Variants in WDR83OS observed in about 807,000 individuals in gnomAD.
The protein encoded by WDR83OS is PAT complex subunit Asterix.
Under a neutral mutation model 13.7 loss-of-function variants are expected in WDR83OS, and 15 were observed. That is an observed-to-expected ratio of 1.09 (90% CI 0.73 to 1.69). The LOEUF is 1.69. Among genes scored for constraint, WDR83OS ranks in the 40% most tolerant of loss-of-function variants. The pLI is 0.00. For missense variants in WDR83OS, 145 were observed against 143.2 expected (o/e 1.01, Z -0.06); for synonymous variants, 68 against 52.9 (o/e 1.29, Z -1.24).
In WDR83OS at chr19:12,669,177, T is replaced by A. The variant is rs1020705935; in HGVS notation, c.107A>T (p.Tyr36Phe). 6.2e-7 allele frequency: 1 copy of A among 1,614,064 alleles called. No homozygotes were observed. Among genetic ancestry groups the A allele is most frequent in the Non-Finnish European group, 8.5e-7 (1 of 1,180,044 alleles). The change falls in exon 2 of 4, where the codon TAC (tyrosine) becomes TTC (phenylalanine). Residue 36 changes from tyrosine to phenylalanine, a missense_variant. Tyr to Phe is a conservative substitution (Grantham distance 22, BLOSUM62 3). Coordinates refer to ENST00000596731, the MANE Select transcript of WDR83OS (RefSeq NM_016145.4). ...NPALDDPTPD[Y>F]MNLLGMIFSM... is the part of the protein sequence containing the mutation. ...GAAGATCATGCCCAGCAGGTTCATGTAGTCCGGCGTCGGGTCGTCCAAGGC... is the reference window on the plus strand; with the variant it reads ...GAAGATCATGCCCAGCAGGTTCATGAAGTCCGGCGTCGGGTCGTCCAAGGC...
intron 2 of WDR83OS, 131 bp downstream of exon 2, chr19:12,668,997 G>A: frequency 1.1e-6 from 1 of 913,028 alleles, no homozygotes; most frequent in Non-Finnish European, 1.7e-6. Context: ...CAGCGTCATC[G>A]CAGCCCCACT....
In WDR83OS at chr19:12,668,319, G is replaced by A. The variant is rs763064505; in HGVS notation, c.*40C>T. 6.3e-7 allele frequency: 1 copy of A among 1,584,312 alleles called. No homozygotes were observed. The highest frequency in any genetic ancestry group is 2.3e-5 in the East Asian group (1 of 44,230). ...TTAGCAGCCAAAGCCCAGGCCTAGT[G>A]GATAGACAGGGTCCAAAATGTGACC... On this transcript the variant is annotated 3_prime_UTR_variant, in exon 4 of 4. Coordinates refer to ENST00000596731, the MANE Select transcript of WDR83OS (RefSeq NM_016145.4).
chr19:12,669,031 C>T (rs2024332867), intron 2 of WDR83OS, 97 bp downstream of exon 2: 1 of 1,271,674 alleles, frequency 7.9e-7, no homozygotes, highest in African/African-American at 1.5e-5. Flanking sequence ...AGGTCCCGCC[C>T]CATCAGCAAT....
At chr19:12,669,102 A>T in intron 2 of WDR83OS, 26 bp downstream of exon 2, 3 of 1,609,332 alleles carry the variant, frequency 1.9e-6, no homozygotes, top group Non-Finnish European at 2.6e-6. Flanking sequence ...GTCCAACTAC[A>T]CCCATAGAAG....
At chr19:12,668,702 C>A (rs1028608433) in intron 2 of WDR83OS, 85 bp from the exon 3 acceptor site, 2 of 1,118,058 alleles carry the variant, frequency 1.8e-6, no homozygotes, top group Non-Finnish European at 2.7e-6. Context: ...CCAGATCATG[C>A]CCACTGATTC....
At chr19:12,668,731 C>T in intron 2 of WDR83OS, 114 bp from the exon 3 acceptor site, 2 of 868,312 alleles carry the variant, frequency 2.3e-6, no homozygotes, top group Admixed American at 2.0e-5. Flanking sequence ...GCAGCTGGGA[C>T]CTTGCCCCAC....
At chr19:12,668,687 A>G in intron 2 of WDR83OS, 70 bp from the exon 3 acceptor site, 1 of 1,310,592 alleles carries the variant, frequency 7.6e-7, no homozygotes, top group Non-Finnish European at 1.1e-6. Context: ...CCACCTTTCC[A>G]GACACCAGAT....
chr19:12,669,258 G>A (rs1469076927), intron 1 of WDR83OS, 25 bp from the exon 2 acceptor site: 3 of 1,612,906 alleles, frequency 1.9e-6, no homozygotes, highest in Non-Finnish European at 2.5e-6. Context: ...AGGGTCAGGG[G>A]CGCTCAGGTC....
At chr19:12,669,331 G>A (rs1568311681) in intron 1 of WDR83OS, 23 bp downstream of exon 1, 2 of 1,605,334 alleles carry the variant, frequency 1.2e-6, no homozygotes, top group African/African-American at 1.3e-5. Flanking sequence ...CCGAACCCGT[G>A]CCCACGACGC....
At position 12,669,190 on chromosome 19, in the gene WDR83OS, G is replaced by C. The variant is rs2024337062; in HGVS notation, c.94C>G (p.Pro32Ala). Reference sequence around the variant, plus strand: ...AGCAGGTTCATGTAGTCCGGCGTCGGGTCGTCCAAGGCCGGGTTACATTCG... The same window carrying C: ...AGCAGGTTCATGTAGTCCGGCGTCGCGTCGTCCAAGGCCGGGTTACATTCG... ...PSECNPALDD[P>A]TPDYMNLLGM... Residue 32 changes from proline to alanine, a missense_variant, in exon 2 of 4, where the codon CCG becomes GCG. Transcript: ENST00000596731. 1.2e-6 allele frequency: 2 copies of C among 1,614,132 alleles called. No individual in the cohort carries two copies. Among genetic ancestry groups the C allele is most frequent in the Non-Finnish European group, 1.7e-6 (2 of 1,180,038 alleles).
chr19:12,668,684 TC>T, intron 2 of WDR83OS, 67 bp from the exon 3 acceptor site: 1 of 1,328,716 alleles, frequency 7.5e-7, no homozygotes, highest in Non-Finnish European at 1.1e-6. Context: ...AAGCCACCTT[TC>T]CAGACACCAG....
In WDR83OS at chr19:12,668,275, G is replaced by T; in HGVS notation, c.*84C>A. The T allele has an allele frequency of 7.1e-7, 1 of 1,403,454 alleles. No individual in the cohort carries two copies. Among genetic ancestry groups the T allele is most frequent in the Non-Finnish European group, 9.8e-7 (1 of 1,016,620 alleles). The allele number at this position is 1,403,454 out of a possible 1,614,324, so 86.9% of individuals were successfully genotyped here. A position where few individuals can be genotyped will look rare whatever the true frequency, so the allele number is the denominator to read the frequency against. On this transcript the variant is annotated 3_prime_UTR_variant, in exon 4 of 4. Coordinates refer to ENST00000596731, the MANE Select transcript of WDR83OS (RefSeq NM_016145.4). ...GCCTCATTCAGGGAAGTCCAGGATGGCAGCTGAAGGCAGCAGGTTTAGCAG... is the reference window on the plus strand; with the variant it reads ...GCCTCATTCAGGGAAGTCCAGGATGTCAGCTGAAGGCAGCAGGTTTAGCAG...
chr19:12,669,385 A>T lies in WDR83OS; in HGVS notation c.19T>A (p.Ser7Thr). MSTNNM[S>T]DPRRPNKVLR... Reference sequence around the variant, plus strand: ...ACTTTGTTCGGCCTCCGTGGGTCCGACATATTGTTAGTGGACATAGCGAGT... The same window carrying T: ...ACTTTGTTCGGCCTCCGTGGGTCCGTCATATTGTTAGTGGACATAGCGAGT... The change falls in exon 1 of 4, where the codon TCG (serine) becomes ACG (threonine). Residue 7 changes from serine (S) to threonine (T), a missense_variant. Transcript: ENST00000596731. The T allele has an allele frequency of 6.2e-7, 1 of 1,600,796 alleles. No homozygotes were observed. The highest frequency in any genetic ancestry group is 8.5e-7 in the Non-Finnish European group (1 of 1,173,202).
In WDR83OS at chr19:12,669,404, A is replaced by T. The variant is rs759762570; in HGVS notation, c.-1T>A. ...GGTCCGACATATTGTTAGTGGACATAGCGAGTCGAAGGCCAGATCACGCCT... is the reference window on the plus strand; with the variant it reads ...GGTCCGACATATTGTTAGTGGACATTGCGAGTCGAAGGCCAGATCACGCCT... On this transcript the variant is annotated 5_prime_UTR_variant, in exon 1 of 4. Transcript: ENST00000596731. 5 of 1,594,446 alleles carry T rather than the reference A, an allele frequency of 3.1e-6. No homozygotes were observed. Among genetic ancestry groups the T allele is most frequent in the Non-Finnish European group, 2.6e-6 (3 of 1,169,774 alleles).
rs143004772 is a variant in WDR83OS, at chr19:12,668,371, C to T, written c.309G>A (p.Thr103=). The T allele has an allele frequency of 1.8e-5, 29 of 1,612,654 alleles. 1 individual carries two copies. The highest frequency in any genetic ancestry group is 2.2e-5 in the East Asian group (1 of 44,838). ...TTCTAGGCTGGTATCACCATGGGGG[C>T]GTCATGGGCTGAGGATTCTGCAGAT... ...MSYLQNPQPM[T]PPW Residue 103 remains threonine, a synonymous_variant, in exon 4 of 4, where the codon ACG becomes ACA. Coordinates refer to ENST00000596731, the MANE Select transcript of WDR83OS (RefSeq NM_016145.4).
Position 12,668,568 on chromosome 19 carries a change from G to T in WDR83OS, c.206C>A (p.Ala69Asp). 6.2e-7 allele frequency: 1 copy of T among 1,614,106 alleles called. No individual in the cohort carries two copies. Among genetic ancestry groups the T allele is most frequent in the Non-Finnish European group, 8.5e-7 (1 of 1,180,010 alleles). ...VAVYCSFISF[A>D]NSRSSEDTKQ... Reference sequence around the variant, plus strand: ...CGTGTCCTCCGAGCTCCGAGAGTTGGCAAAGCTGATGAAGGAGCAGTAGAC... The same window carrying T: ...CGTGTCCTCCGAGCTCCGAGAGTTGTCAAAGCTGATGAAGGAGCAGTAGAC... Residue 69 changes from alanine (A) to aspartate (D), a missense_variant, in exon 3 of 4, where the codon GCC (alanine) becomes GAC (aspartate). By Grantham distance (126) the Ala-to-Asp change is moderately radical. Transcript: ENST00000596731.
chr19:12,668,461 A>G (rs2024317321), intron 3 of WDR83OS, 36 bp from the exon 4 acceptor site: 2 of 1,613,138 alleles, frequency 1.2e-6, no homozygotes, highest in Non-Finnish European at 1.7e-6. Flanking sequence ...TAGGATGGCC[A>G]GGCTGGGGTC....
At chr19:12,669,064 C>T in intron 2 of WDR83OS, 64 bp downstream of exon 2, 1 of 1,567,340 alleles carries the variant, frequency 6.4e-7, no homozygotes, top group South Asian at 1.1e-5. Flanking sequence ...CGCTTCATTC[C>T]AAACCCGCCC....
At chr19:12,669,091 G>C in intron 2 of WDR83OS, 37 bp downstream of exon 2, 1 of 1,600,960 alleles carries the variant, frequency 6.2e-7, no homozygotes, top group Non-Finnish European at 8.6e-7. Flanking sequence ...CTCGTTCTCA[G>C]GTCCAACTAC....
Sources: gnomAD v4.1 joint callset for allele counts on GRCh38, gnomAD v4.1.1 for gene constraint, MANE v1.5 for transcripts, NCBI Gene and HGNC (gene_info 2026-07-23, HGNC 2026-07-21) for gene names.